The following CNTN5 variants were observed in gnomAD, a reference collection of about 807,000 sequenced individuals.
CNTN5 encodes the protein contactin 5, also known as contactin-5.
In CNTN5, 77 loss-of-function variants were observed where a neutral mutation model predicts 129.1. The ratio of observed to expected loss-of-function variants is 0.60; its 90% CI spans 0.50 to 0.72. The LOEUF is 0.72. Among genes scored for constraint, CNTN5 ranks in the 30% least tolerant of loss-of-function variants. CNTN5 has a pLI of 0.00. For synonymous variants in CNTN5, 509 were observed against 465.6 expected, an observed-to-expected ratio of 1.09 and a Z score of -1.20; for missense variants, 1,478 against 1,328.8, an observed-to-expected ratio of 1.11 and a Z score of -1.75.
intron 4 of CNTN5, among the ~76,000 whole-genome samples, chr11:99,828,011 A>G (rs1356763759): frequency 7.3e-6 from 1 of 136,462 alleles, no homozygotes; most frequent in Non-Finnish European, 1.7e-5. Flanking sequence ...TTAACTCATC[A>G]CAAGAGAGTT....
At chr11:99,648,423 G>T (rs775699627) in intron 3 of CNTN5, among the ~76,000 whole-genome samples, 1 of 151,752 alleles carries the variant, frequency 6.6e-6, no homozygotes, top group Non-Finnish European at 1.5e-5. Flanking sequence ...CATAACAAAT[G>T]CTGGGAAAGA....
At chr11:99,785,138 G>A (rs1219769520) in intron 3 of CNTN5, among the ~76,000 whole-genome samples, 1 of 151,924 alleles carries the variant, frequency 6.6e-6, no homozygotes, top group South Asian at 2.1e-4. Context: ...GTTTTGATTT[G>A]CATTTCTCTA....
chr11:99,901,004 A>G (rs1472608228), intron 6 of CNTN5, among the ~76,000 whole-genome samples: 2 of 152,108 alleles, frequency 1.3e-5, no homozygotes, highest in Non-Finnish European at 2.9e-5. Context: ...TTTTGCCTCT[A>G]TTATTTACTA....
At chr11:99,913,231 G>A (rs150641060) in intron 6 of CNTN5, among the ~76,000 whole-genome samples, 1 of 152,012 alleles carries the variant, frequency 6.6e-6, no homozygotes, top group African/African-American at 2.4e-5. Flanking sequence ...TTTTCACTCA[G>A]GCTATTCAGT....
At chr11:99,305,234 T>TA (rs1273473230) in intron 1 of CNTN5, among the ~76,000 whole-genome samples, 5 of 152,098 alleles carry the variant, frequency 3.3e-5, no homozygotes. Context: ...AATTATGAGA[T>TA]AAAAAAGAAT....
intron 3 of CNTN5, among the ~76,000 whole-genome samples, chr11:99,731,809 C>G (rs930814745): frequency 2.6e-5 from 4 of 152,122 alleles, no homozygotes; most frequent in African/African-American, 9.7e-5. Context: ...ATCTTAAGGG[C>G]TAGACTGCAA....
chr11:99,729,133 A>G (rs895906826), intron 3 of CNTN5, among the ~76,000 whole-genome samples: 4 of 152,196 alleles, frequency 2.6e-5, no homozygotes, highest in Admixed American at 1.3e-4. Context: ...ATGTCTTTAC[A>G]TAAAATGAAG....
At chr11:100,054,846 A>C (rs563449169) in intron 9 of CNTN5, among the ~76,000 whole-genome samples, 1 of 151,822 alleles carries the variant, frequency 6.6e-6, no homozygotes, top group East Asian at 1.9e-4. Flanking sequence ...TTGGTGAGGT[A>C]ACAATTTTGT....
At chr11:99,902,899 A>C (rs1345895843) in intron 6 of CNTN5, among the ~76,000 whole-genome samples, 1 of 152,174 alleles carries the variant, frequency 6.6e-6, no homozygotes, top group Non-Finnish European at 1.5e-5. Context: ...GATTTGCTTT[A>C]AGGCAAGGCA....
chr11:99,117,955 T>C (rs1858121791), intron 1 of CNTN5, among the ~76,000 whole-genome samples: 1 of 152,216 alleles, frequency 6.6e-6, no homozygotes. Flanking sequence ...AGCGGACTAA[T>C]ACAGTGAATA....
intron 2 of CNTN5, among the ~76,000 whole-genome samples, chr11:99,414,707 AT>A (rs1268134821): frequency 6.6e-6 from 1 of 152,006 alleles, no homozygotes; most frequent in Non-Finnish European, 1.5e-5. Flanking sequence ...ATGTGTGGAT[AT>A]CTGGGGGAAA....
intron 13 of CNTN5, among the ~76,000 whole-genome samples, chr11:100,116,346 A>G (rs1945839807): frequency 6.6e-6 from 1 of 152,038 alleles, no homozygotes; most frequent in Non-Finnish European, 1.5e-5. Context: ...AGTCGCCTTC[A>G]TATTGATGTT....
intron 1 of CNTN5, among the ~76,000 whole-genome samples, chr11:99,050,058 C>G (rs960741510): frequency 6.6e-6 from 1 of 152,044 alleles, no homozygotes; most frequent in Non-Finnish European, 1.5e-5. Flanking sequence ...TTATAGCAAA[C>G]AGCCATTAAT....
chr11:100,236,707 C>T (rs1372045980), intron 16 of CNTN5, among the ~76,000 whole-genome samples: 1 of 152,090 alleles, frequency 6.6e-6, no homozygotes, highest in Non-Finnish European at 1.5e-5. Context: ...TGATTGCCTG[C>T]ATTGCCTTCA....
intron 13 of CNTN5, among the ~76,000 whole-genome samples, chr11:100,111,030 G>T (rs1022520689): frequency 6.7e-6 from 1 of 150,286 alleles, no homozygotes; most frequent in African/African-American, 2.4e-5. Context: ...TAAAGACAAA[G>T]AAAACTTGTA....
chr11:99,967,971 A>G (rs1019100504), intron 8 of CNTN5, among the ~76,000 whole-genome samples: 9 of 152,210 alleles, frequency 5.9e-5, no homozygotes, highest in African/African-American at 2.2e-4. Context: ...ATGATGGAAA[A>G]TAAATGCCAA....
At chr11:99,319,557 C>T (rs1390729467) in intron 1 of CNTN5, among the ~76,000 whole-genome samples, 1 of 152,128 alleles carries the variant, frequency 6.6e-6, no homozygotes, top group African/African-American at 2.4e-5. Context: ...GCTCAGAGAC[C>T]TTATGTTGTT....
intron 3 of CNTN5, among the ~76,000 whole-genome samples, chr11:99,695,426 C>T (rs1380941160): frequency 6.6e-6 from 1 of 152,022 alleles, no homozygotes; most frequent in Admixed American, 6.6e-5. Flanking sequence ...CTGCAAAAGG[C>T]TAAAACTCAG....
At chr11:100,126,262 A>T (rs1946180100) in intron 13 of CNTN5, among the ~76,000 whole-genome samples, 1 of 152,074 alleles carries the variant, frequency 6.6e-6, no homozygotes, top group Admixed American at 6.6e-5. Flanking sequence ...AAGAATTTAT[A>T]TTGTGATGTT....
Sources: allele counts gnomAD v4.1 joint callset (sites outside exome capture counted in the v4.1 genomes callset), GRCh38; gene constraint gnomAD v4.1.1; transcripts MANE v1.5; gene names NCBI Gene and HGNC (gene_info 2026-07-23, HGNC 2026-07-21).